KANSL1L: variants seen among roughly 807,000 people sequenced by gnomAD.
KANSL1L encodes KAT8 regulatory NSL complex subunit 1-like protein.
Under a neutral mutation model 108.6 loss-of-function variants are expected in KANSL1L, and 25 were observed. The observed-to-expected ratio is 0.23, with a 90% CI of 0.17 to 0.32. The LOEUF (loss-of-function observed/expected upper bound fraction) is 0.32, where lower values mean the gene tolerates loss of function less well. Among genes scored for constraint, KANSL1L ranks in the 10% least tolerant of loss-of-function variants. The pLI, the probability that KANSL1L is intolerant of heterozygous loss-of-function variation, is 1.00. For missense variants in KANSL1L, 1,137 were observed against 1,125.7 expected, an observed-to-expected ratio of 1.01 and a Z score of -0.14; for synonymous variants, 405 against 395.1, an observed-to-expected ratio of 1.03 and a Z score of -0.30.
chr2:210,097,358 A>G (rs1217209046), intron 5 of KANSL1L: 2 of 799,832 alleles, frequency 2.5e-6, no homozygotes, highest in African/African-American at 3.7e-5. Flanking sequence ...ATTTCCCAAA[A>G]TTACACTTAG....
At chr2:210,070,358 T>C (rs4386260) in intron 6 of KANSL1L, among the ~76,000 whole-genome samples, 71,335 of 149,860 alleles carry the variant, frequency 0.48, 19,380 homozygotes, top group Middle Eastern at 0.62. Flanking sequence ...AGCCCCCGAG[T>C]AGCTGGGACT....
intron 2 of KANSL1L, among the ~76,000 whole-genome samples, chr2:210,144,431 T>C (rs2095251668): frequency 6.6e-6 from 1 of 152,198 alleles, no homozygotes; most frequent in Non-Finnish European, 1.5e-5. Flanking sequence ...ACTTCCTTAA[T>C]TGCTATAATG....
At chr2:210,162,222 G>GTATATATATATATACA (rs2095365312) in intron 1 of KANSL1L, among the ~76,000 whole-genome samples, 1 of 107,474 alleles carries the variant, frequency 9.3e-6, no homozygotes, top group Non-Finnish European at 1.9e-5. Flanking sequence ...AGTGGTTCAG[G>GTATATATATATATACA]TATATATATA....
At chr2:210,083,815 G>C (rs1559542979) in intron 5 of KANSL1L, among the ~76,000 whole-genome samples, 1 of 132,498 alleles carries the variant, frequency 7.5e-6, no homozygotes, top group Non-Finnish European at 1.6e-5. Flanking sequence ...GGGCGACAGA[G>C]TGAGACTCCA....
intron 3 of KANSL1L, among the ~76,000 whole-genome samples, chr2:210,126,633 T>C (rs1255217316): frequency 6.6e-6 from 1 of 152,052 alleles, no homozygotes; most frequent in African/African-American, 2.4e-5. Flanking sequence ...CTGGCCAACA[T>C]GGCAAAATCC....
At chr2:210,056,724 G>C (rs1331545954) in intron 6 of KANSL1L, among the ~76,000 whole-genome samples, 1 of 152,094 alleles carries the variant, frequency 6.6e-6, no homozygotes, top group African/African-American at 2.4e-5. Context: ...CAAGTGATCT[G>C]CCTGCTTTAG....
chr2:210,110,890 T>G (rs918171918), intron 3 of KANSL1L, among the ~76,000 whole-genome samples: 2 of 152,044 alleles, frequency 1.3e-5, no homozygotes, highest in Admixed American at 6.6e-5. Context: ...GGCAGGTGGA[T>G]AGCTTGAGCC....
chr2:210,135,239 C>T (rs758797180), intron 2 of KANSL1L, among the ~76,000 whole-genome samples: 1 of 151,982 alleles, frequency 6.6e-6, no homozygotes, highest in Admixed American at 6.6e-5. Context: ...CACAGAAACC[C>T]GATATAGAGG....
chr2:210,028,304 A>G (rs144875827), intron 11 of KANSL1L: 1 of 152,034 alleles, frequency 6.6e-6, no homozygotes, highest in East Asian at 1.9e-4. Flanking sequence ...CCCTATGTAA[A>G]TACCTTCTCC....
chr2:210,057,346 G>A (rs1425028660), intron 6 of KANSL1L, among the ~76,000 whole-genome samples: 1 of 152,270 alleles, frequency 6.6e-6, no homozygotes, highest in East Asian at 1.9e-4. Flanking sequence ...AGGTTGCAGT[G>A]AGCCAAGATC....
At chr2:210,169,959 A>G (rs200877098) in intron 1 of KANSL1L, among the ~76,000 whole-genome samples, 3 of 152,358 alleles carry the variant, frequency 2.0e-5, no homozygotes, top group East Asian at 3.9e-4. Context: ...CAATCTCTTA[A>G]GACAGAGACC....
At chr2:210,104,449 G>A in intron 3 of KANSL1L, 148 bp from the exon 4 acceptor site, 1 of 616,272 alleles carries the variant, frequency 1.6e-6, no homozygotes, top group Non-Finnish European at 2.8e-6. Flanking sequence ...GTAAAGAACT[G>A]GCTGGTTTAA....
At chr2:210,070,224 C>CTTTTTTTTTTTTTT (rs71043971) in intron 6 of KANSL1L, among the ~76,000 whole-genome samples, 21 of 77,540 alleles carry the variant, frequency 2.7e-4, no homozygotes, top group Admixed American at 7.4e-4. Flanking sequence ...TTTCTCCGTT[C>CTTTTTTTTTTTTTT]TTTTTTTTTT....
intron 8 of KANSL1L, chr2:210,032,220 A>G (rs2094028416): frequency 1.3e-5 from 2 of 152,216 alleles, no homozygotes; most frequent in Admixed American, 1.3e-4. Flanking sequence ...TGCCAAACTC[A>G]CACTGAAATA....
At chr2:210,147,086 A>C (rs1236935051) in intron 2 of KANSL1L, among the ~76,000 whole-genome samples, 1 of 152,154 alleles carries the variant, frequency 6.6e-6, no homozygotes, top group African/African-American at 2.4e-5. Flanking sequence ...ACGTTGCTCA[A>C]AAAAAAGCCT....
intron 1 of KANSL1L, among the ~76,000 whole-genome samples, chr2:210,168,088 T>C (rs953041101): frequency 5.9e-5 from 9 of 152,116 alleles, no homozygotes; most frequent in African/African-American, 2.2e-4. Context: ...ATGTAAATTA[T>C]TCCATTAAAG....
At chr2:210,063,072 C>T (rs190596323) in intron 6 of KANSL1L, among the ~76,000 whole-genome samples, 13 of 152,282 alleles carry the variant, frequency 8.5e-5, no homozygotes, top group Admixed American at 3.9e-4. Context: ...GTGCTGTGTG[C>T]AGCCTAGGAA....
chr2:210,025,048 G>T, intron 13 of KANSL1L, 56 bp downstream of exon 13: 1 of 1,088,902 alleles, frequency 9.2e-7, no homozygotes, highest in Non-Finnish European at 1.4e-6. Flanking sequence ...TTCATGCAGA[G>T]GTTTTGTTCA....
At chr2:210,132,455 G>C (rs1032939165) in intron 2 of KANSL1L, among the ~76,000 whole-genome samples, 3 of 152,152 alleles carry the variant, frequency 2.0e-5, no homozygotes, top group African/African-American at 7.2e-5. Context: ...ACATTGGTGA[G>C]TGGAGACCAC....
Sources: allele counts gnomAD v4.1 joint callset (sites outside exome capture counted in the v4.1 genomes callset), GRCh38; gene constraint gnomAD v4.1.1; transcripts MANE v1.5; gene names NCBI Gene and HGNC (gene_info 2026-07-23, HGNC 2026-07-21).